Variants in FEZF1 observed in about 807,000 individuals in gnomAD.
The protein encoded by FEZF1 is FEZ family zinc finger 1.
FEZF1 carries 8 observed loss-of-function variants against 32.4 expected under a neutral mutation model. That is an observed-to-expected ratio of 0.25 (90% CI 0.15 to 0.45). The LOEUF is 0.45. FEZF1 is among the 20% of genes least tolerant of loss of function. FEZF1 has a pLI of 1.00. For missense variants in FEZF1, 546 were observed against 622.3 expected (o/e 0.88, Z 1.31); for synonymous variants, 259 against 265.2 (o/e 0.98, Z 0.23).
upstream of FEZF1, chr7:122,305,293 G>A (rs2031242005): frequency 2.0e-5 from 3 of 152,282 alleles, no homozygotes; most frequent in African/African-American, 7.2e-5. Flanking sequence ...TCCAGGGCTC[G>A]GGGTTGCCCG....
Position 122,301,525 on chromosome 7 carries a change from A to G in FEZF1, c.*472T>C. On this transcript the variant is annotated 3_prime_UTR_variant, in exon 4 of 4. Coordinates refer to ENST00000442488, the MANE Select transcript of FEZF1 (RefSeq NM_001024613.4). ...CACAGTGTTTTGTTACTTCAGGGAA[A>G]GAGGAAATGATCAACATCCAGCAGA... 1 of 155,516 alleles carries G rather than the reference A, an allele frequency of 6.4e-6. No individual in the cohort carries two copies. The highest frequency in any genetic ancestry group is 1.4e-5 in the Non-Finnish European group (1 of 70,662). 9.6% of individuals were successfully genotyped at this position (155,516 alleles called of 1,614,324 possible).
In FEZF1 at chr7:122,302,946, G is replaced by A. The variant is rs995750757; in HGVS notation, c.937-15C>T. 6.3e-7 allele frequency: 1 copy of A among 1,595,418 alleles called. No homozygotes were observed. The highest frequency in any genetic ancestry group is 1.4e-5 in the African/African-American group (1 of 73,982). On this transcript the variant is annotated splice_polypyrimidine_tract_variant and intron_variant, in intron 2 of 3. Coordinates refer to ENST00000442488, the MANE Select transcript of FEZF1 (RefSeq NM_001024613.4). This position sits in a 1 kb window ranked among gnomAD's most constrained non-coding sequence, Gnocchi z 4.4. ...TGAGGTTTTTCCTAAGCAGGAGAAA[G>A]GAAAAGCAGAGACATTTAGATATTT... is the stretch of plus-strand genomic sequence containing the variant.
chr7:122,303,536 A>AAGAGGGAG, intron 1 of FEZF1, 101 bp downstream of exon 1: 4 of 324,134 alleles, frequency 1.2e-5, no homozygotes, highest in Non-Finnish European at 2.3e-5. Context: ...GAAGGAAGGA[A>AAGAGGGAG]GGAGGGAGGG....
chr7:122,302,051 C>T lies in FEZF1; in HGVS notation c.1374G>A (p.Pro458=), dbSNP rs759996308. 3.7e-6 allele frequency: 6 copies of T among 1,603,480 alleles called. No individual in the cohort carries two copies. The highest frequency in any genetic ancestry group is 4.2e-6 in the Non-Finnish European group (5 of 1,178,376). The change falls in exon 4 of 4, where the codon CCG becomes CCA. Residue 458 remains proline, a synonymous_variant. Transcript: ENST00000442488. This position sits in a 1 kb window ranked among gnomAD's most constrained non-coding sequence, Gnocchi z 4.4. The stretch of plus-strand genomic sequence containing the variant: ...GCAGGGGCCCCGGGGTTGGCAGCGG[C>T]GGCTGCAGAGGAGGCAGCGTCATCG... ...QPPMTLPPLQ[P]PLPTPGPLQP... is the part of the protein sequence containing the mutation.
At chr7:122,303,575 AG>A (rs2031145066) in intron 1 of FEZF1, 61 bp downstream of exon 1, 5 of 936,852 alleles carry the variant, frequency 5.3e-6, no homozygotes, top group South Asian at 1.5e-5. Flanking sequence ...GGAGGGAGGG[AG>A]GGAAGGAAGG....
Position 122,302,872 on chromosome 7 carries a change from G to A in FEZF1, c.996C>T (p.Asn332=). ...AGCCCGCGTGTATTCGGGTATGAGT[G>A]TTTAAAGTGGAACTTCTATTAAATG... The part of the protein sequence containing the change: ...GKAFNRSSTL[N]THTRIHAGYK... Residue 332 remains asparagine (N), a synonymous_variant, in exon 3 of 4, where the codon AAC becomes AAT. Coordinates refer to ENST00000442488, the MANE Select transcript of FEZF1 (RefSeq NM_001024613.4). This position sits in a 1 kb window ranked among gnomAD's most constrained non-coding sequence, Gnocchi z 4.4. The A allele has an allele frequency of 1.2e-6, 2 of 1,613,862 alleles. No homozygotes were observed. Among genetic ancestry groups the A allele is most frequent in the South Asian group, 2.2e-5 (2 of 90,958 alleles).
chr7:122,303,155 A>G, intron 2 of FEZF1, 22 bp downstream of exon 2: 1 of 1,613,862 alleles, frequency 6.2e-7, no homozygotes, highest in Non-Finnish European at 8.5e-7. Flanking sequence ...AAACTAGGTG[A>G]AATTGAGACA....
In FEZF1 at chr7:122,304,382, C is replaced by CGAGCTG; in HGVS notation, c.50_55dup (p.Pro17_Ala18dup). On this transcript the variant is annotated inframe_insertion, in exon 1 of 4. Transcript: ENST00000442488. ...TTTGGACGTGCTCATCATGTTGCCC[C>CGAGCTG]GAGCTGGAGCAGTCGCTAACATTTT... The CGAGCTG allele has an allele frequency of 6.3e-7, 1 of 1,593,356 alleles. No homozygotes were observed. Among genetic ancestry groups the CGAGCTG allele is most frequent in the Non-Finnish European group, 8.6e-7 (1 of 1,167,328 alleles).
chr7:122,302,736 C>G lies in FEZF1; in HGVS notation c.1069+63G>C. 1 of 1,565,716 alleles carries G rather than the reference C, an allele frequency of 6.4e-7. No individual in the cohort carries two copies. The highest frequency in any genetic ancestry group is 1.7e-5 in the Admixed American group (1 of 58,142). ...TTAAACATCGTCTTCTAAAACATCCCGAAAGTATTAAGTATGGCTTTTCAT... is the reference window on the plus strand; with the variant it reads ...TTAAACATCGTCTTCTAAAACATCCGGAAAGTATTAAGTATGGCTTTTCAT... On this transcript the variant is annotated intron_variant, in intron 3 of 3. Transcript: ENST00000442488. This position sits in a 1 kb window ranked among gnomAD's most constrained non-coding sequence, Gnocchi z 4.4.
rs1159831933 is a variant in FEZF1, at chr7:122,303,472, GGGAAGGAAGGAAGGAAGGAAGGAA to G, written c.801+141_802-162del. On this transcript the variant is annotated intron_variant, in intron 1 of 3. Transcript: ENST00000442488. Reference sequence around the variant, plus strand: ...GAGGAAGGAAAGGAGGAGCGAGGGAGGGAAGGAAGGAAGGAAGGAAGGAAGGAAGGAAGGAAGGAAGGAAGGAAG... The same window carrying G: ...GAGGAAGGAAAGGAGGAGCGAGGGAGGGAAGGAAGGAAGGAAGGAAGGAAG... 7.1e-3 allele frequency among the ~76,000 whole-genome samples: 584 copies of G among 82,012 alleles called. 8 individuals are homozygous for G. The highest frequency in any genetic ancestry group is 0.019 in the South Asian group (40 of 2,148). The allele number at this position is 82,012 out of a possible 152,430, so 53.8% of individuals were successfully genotyped here.
chr7:122,302,975 A>G lies in FEZF1; in HGVS notation c.937-44T>C. The G allele has an allele frequency of 2.5e-6, 4 of 1,573,040 alleles. No individual in the cohort carries two copies. The highest frequency in any genetic ancestry group is 3.4e-6 in the Non-Finnish European group (4 of 1,160,516). ...AAGCAGAGACATTTAGATATTTTCTAATTATGTGAAGTTCTGCAAGCTCAA... is the reference window on the plus strand; with the variant it reads ...AAGCAGAGACATTTAGATATTTTCTGATTATGTGAAGTTCTGCAAGCTCAA... On this transcript the variant is annotated intron_variant, in intron 2 of 3. Coordinates refer to ENST00000442488, the MANE Select transcript of FEZF1 (RefSeq NM_001024613.4). The surrounding 1 kb of genome is among the most constrained non-coding windows in gnomAD (Gnocchi z 4.4).
Position 122,304,153 on chromosome 7 carries a change from C to T in FEZF1, c.285G>A (p.Pro95=). The T allele has an allele frequency of 6.2e-7, 1 of 1,602,080 alleles. No individual in the cohort carries two copies. The highest frequency in any genetic ancestry group is 8.5e-7 in the Non-Finnish European group (1 of 1,172,896). The part of the protein sequence containing the change: ...SPKAGVTGSE[P]RKASLEAPAA... ...CCGGGGCCTCCAGACTGGCCTTCCG[C>T]GGCTCGGAGCCCGTCACTCCTGCCT... The change falls in exon 1 of 4, where the codon CCG becomes CCA. Residue 95 remains proline (P), a synonymous_variant. Transcript: ENST00000442488.
Position 122,302,030 on chromosome 7 carries a change from G to GGGCCCCGGGGTT in FEZF1, c.1383_1394dup (p.Thr462_Pro465dup). ...GGCCCTGGTGGAGCCCGGGCTGCAG[G>GGGCCCCGGGGTT]GGCCCCGGGGTTGGCAGCGGCGGCT... On this transcript the variant is annotated inframe_insertion, in exon 4 of 4. Transcript: ENST00000442488. The surrounding 1 kb of genome is among the most constrained non-coding windows in gnomAD (Gnocchi z 4.4). 6.3e-7 allele frequency: 1 copy of GGGCCCCGGGGTT among 1,598,926 alleles called. No individual in the cohort carries two copies. The highest frequency in any genetic ancestry group is 1.3e-5 in the African/African-American group (1 of 74,806).
chr7:122,303,532 A>AGGAGGGAG (rs1364846123), intron 1 of FEZF1, 105 bp downstream of exon 1: 1 of 238,660 alleles, frequency 4.2e-6, no homozygotes, highest in Non-Finnish European at 8.2e-6. Flanking sequence ...GAAGGAAGGA[A>AGGAGGGAG]GGAAGGAGGG....
intron 2 of FEZF1, 75 bp from the exon 3 acceptor site, chr7:122,303,006 A>G (rs1422082423): frequency 3.2e-6 from 5 of 1,542,564 alleles, no homozygotes; most frequent in Non-Finnish European, 4.4e-6. Context: ...CTCAAAACAC[A>G]GTAATGCTTA....
Position 122,302,853 on chromosome 7 carries a change from C to T in FEZF1, c.1015G>A (p.Ala339Thr), listed in dbSNP as rs1373882145. The change falls in exon 3 of 4, where the codon GCG (alanine) becomes ACG (threonine). Residue 339 changes from alanine to threonine, a missense_variant. Ala to Thr is a moderately conservative substitution (Grantham distance 58, BLOSUM62 0). This residue lies in a region of FEZF1 where 118 missense variants were observed against 188.7 expected (regional missense o/e 0.63). Transcript: ENST00000442488. The surrounding 1 kb of genome is among the most constrained non-coding windows in gnomAD (Gnocchi z 4.4). ...STLNTHTRIH[A>T]GYKPFVCEFC... Reference sequence around the variant, plus strand: ...TCACACACAAACGGTTTGTAGCCCGCGTGTATTCGGGTATGAGTGTTTAAA... The same window carrying T: ...TCACACACAAACGGTTTGTAGCCCGTGTGTATTCGGGTATGAGTGTTTAAA... 1.2e-6 allele frequency: 2 copies of T among 1,614,008 alleles called. No individual in the cohort carries two copies. Among genetic ancestry groups the T allele is most frequent in the African/African-American group, 1.3e-5 (1 of 75,014 alleles).
chr7:122,305,882 C>G (rs961016902), upstream of FEZF1: 2 of 152,336 alleles, frequency 1.3e-5, no homozygotes, highest in African/African-American at 4.8e-5. Flanking sequence ...CAACGCCCCC[C>G]AGCCGAACAC....
chr7:122,302,142 C>G lies in FEZF1; in HGVS notation c.1283G>C (p.Gly428Ala). Residue 428 changes from glycine to alanine, a missense_variant, in exon 4 of 4, where the codon GGG becomes GCG. Coordinates refer to ENST00000442488, the MANE Select transcript of FEZF1 (RefSeq NM_001024613.4). The surrounding 1 kb of genome is among the most constrained non-coding windows in gnomAD (Gnocchi z 4.4). ...TTCGCCAGCTGGCGTGCGGGCCAGC[C>G]CCAGGCTGCTGTCGTGCAGCTTGCG... ...HVRKLHDSSL[G>A]LARTPAGEPG... 6.2e-7 allele frequency: 1 copy of G among 1,614,128 alleles called. No homozygotes were observed. Among genetic ancestry groups the G allele is most frequent in the South Asian group, 1.1e-5 (1 of 91,088 alleles).
rs1196485431 is a variant in FEZF1 at position 122,304,050 on chromosome 7, C to A, written c.388G>T (p.Asp130Tyr). ...AGCGGCAGCGCGTCGCGGGCCAGGT[C>A]GCCCTTGAGACTCAGTGCGCAGTTG... is the stretch of plus-strand genomic sequence containing the variant. ...LLNCALSLKG[D>Y]LARDALPLQQ... Residue 130 changes from aspartate to tyrosine, a missense_variant, in exon 1 of 4, where the codon GAC becomes TAC. By Grantham distance (160) the Asp-to-Tyr change is radical (BLOSUM62 -3). This residue lies in a region of FEZF1 where 345 missense variants were observed against 360.6 expected (regional missense o/e 0.96). Coordinates refer to ENST00000442488, the MANE Select transcript of FEZF1 (RefSeq NM_001024613.4). 2.6e-6 allele frequency: 4 copies of A among 1,558,964 alleles called. No individual in the cohort carries two copies. The highest frequency in any genetic ancestry group is 1.4e-5 in the African/African-American group (1 of 73,524).
Sources: allele counts gnomAD v4.1 joint callset (sites outside exome capture counted in the v4.1 genomes callset), GRCh38; gene constraint gnomAD v4.1.1; regional missense constraint gnomAD v4.1.1; non-coding constraint Gnocchi (gnomAD v3.1); transcripts MANE v1.5; gene names NCBI Gene and HGNC (gene_info 2026-07-23, HGNC 2026-07-21).